HMCN2: variants seen among roughly 807,000 people sequenced by gnomAD.
HMCN2 encodes hemicentin 2, also known as hemicentin-2.
A neutral mutation model predicts 377.5 loss-of-function variants in HMCN2; 325 were observed. The observed-to-expected ratio is 0.86, with a 90% CI of 0.79 to 0.94. HMCN2 has a LOEUF of 0.94. Ranked by LOEUF, HMCN2 falls within the 40% of genes least tolerant of loss-of-function variation. The pLI is 0.00. For missense variants in HMCN2, 4,543 were observed against 4,725.3 expected (o/e 0.96, Z 1.13); for synonymous variants, 2,007 against 2,046.8 (o/e 0.98, Z 0.53).
At position 130,364,799 on chromosome 9, in the gene HMCN2, G is replaced by T. The variant is rs1303124693; in HGVS notation, c.6318G>T (p.Met2106Ile). The T allele has an allele frequency of 5.1e-6, 5 of 985,990 alleles. No individual in the cohort carries two copies. Among genetic ancestry groups the T allele is most frequent in the East Asian group, 1.1e-4 (1 of 8,810 alleles). The allele number at this position is 985,990 out of a possible 1,614,324, so 61.1% of individuals were successfully genotyped here. ...SVALECQSHA[M>I]PPPVLSWWKD... ...CCCTGGAGTGCCAGAGCCACGCCAT[G>T]CCCCCTCCTGTGCTGAGCTGGTGGA... The change falls in exon 41 of 98, where the codon ATG becomes ATT. Residue 2106 changes from methionine (M) to isoleucine (I), a missense_variant. By Grantham distance (10) the Met-to-Ile change is conservative. Around this residue, in one of 5 missense-constraint regions of HMCN2, gnomAD observed 1,032 missense variants for 1,285.1 expected, o/e 0.80. Transcript: ENST00000683500.
In HMCN2 at chr9:130,427,764, G is replaced by A; in HGVS notation, c.14065+145G>A. Reference sequence around the variant, plus strand: ...CTTGAGGGTTTTGATGTCAGCCTGGGGGTCCCAATGCTATGTCCCCACCAG... The same window carrying A: ...CTTGAGGGTTTTGATGTCAGCCTGGAGGTCCCAATGCTATGTCCCCACCAG... On this transcript the variant is annotated intron_variant, in intron 92 of 97. Coordinates refer to ENST00000683500, the MANE Select transcript of HMCN2 (RefSeq NM_001291815.2). 12 of 1,021,368 alleles carry A rather than the reference G, an allele frequency of 1.2e-5. 1 individual carries two copies. In the Admixed American group the frequency reaches 1.5e-4, roughly 12 times the overall value. 63.3% of individuals were successfully genotyped at this position (1,021,368 alleles called of 1,614,324 possible).
At chr9:130,296,596 C>A in intron 6 of HMCN2, 78 bp from the exon 7 acceptor site, 2 of 440,342 alleles carry the variant, frequency 4.5e-6, no homozygotes, top group Non-Finnish European at 9.5e-6. Context: ...AGGGCTGGGT[C>A]AGGTTGGTCA....
In HMCN2 at chr9:130,365,946, C is replaced by T; in HGVS notation, c.6576C>T (p.Ser2192=). 2.0e-6 allele frequency: 2 copies of T among 985,862 alleles called. No individual in the cohort carries two copies. The highest frequency in any genetic ancestry group is 3.5e-5 in the African/African-American group (2 of 57,364). The allele number at this position is 985,862 out of a possible 1,614,324, so 61.1% of individuals were successfully genotyped here. Residue 2192 remains serine, a synonymous_variant, in exon 43 of 98, where the codon TCC becomes TCT. Transcript: ENST00000683500. ...TVREGHPTRL[S]CECRGVPFPK... ...GAGAGGGGCACCCTACCAGGCTGTC[C>T]TGCGAATGCCGGGGTGTCCCCTTCC...
In HMCN2 at chr9:130,288,857, G is replaced by C. The variant is rs114407058; in HGVS notation, c.612+2547G>C. On this transcript the variant is annotated intron_variant, in intron 4 of 97. Coordinates refer to ENST00000683500, the MANE Select transcript of HMCN2 (RefSeq NM_001291815.2). The stretch of plus-strand genomic sequence containing the variant: ...TAAAGGAAGGTGAGGATCTCTCCCT[G>C]GTAGGGGAAATTTGGAGCTTTTATA... Among the ~76,000 whole-genome samples the C allele has an allele frequency of 6.6e-3, 998 of 152,298 alleles. 15 individuals carry two copies. Among genetic ancestry groups the C allele is most frequent in the African/African-American group, 0.022 (909 of 41,560 alleles).
chr9:130,339,301 G>A (rs958626915), intron 23 of HMCN2, among the ~76,000 whole-genome samples: 11 of 152,250 alleles, frequency 7.2e-5, no homozygotes, highest in African/African-American at 2.7e-4. Flanking sequence ...CGGCAGAGGT[G>A]AGAAGTGGAG....
At chr9:130,298,199 CT>C (rs1836272704) in intron 7 of HMCN2, among the ~76,000 whole-genome samples, 1 of 152,142 alleles carries the variant, frequency 6.6e-6, no homozygotes, top group African/African-American at 2.4e-5. Context: ...GGTGATCTGC[CT>C]GCCTCAGCCT....
At position 130,397,719 on chromosome 9, in the gene HMCN2, C is replaced by T; in HGVS notation, c.11326+64C>T. 4 of 1,263,044 alleles carry T rather than the reference C, an allele frequency of 3.2e-6. No homozygotes were observed. In the South Asian group the frequency reaches 5.1e-5, roughly 16 times the overall value. The allele number at this position is 1,263,044 out of a possible 1,614,324, so 78.2% of individuals were successfully genotyped here. ...GTCGGGGTCCAGTCCTTCTTAGTTT[C>T]TGAGTCACCCCAGCTGTAGGGGCCA... On this transcript the variant is annotated intron_variant, in intron 74 of 97. Coordinates refer to ENST00000683500, the MANE Select transcript of HMCN2 (RefSeq NM_001291815.2).
At chr9:130,364,618 C>T in intron 40 of HMCN2, 96 bp from the exon 41 acceptor site, 1 of 588,522 alleles carries the variant, frequency 1.7e-6, no homozygotes, top group South Asian at 7.4e-5. Flanking sequence ...TCACTCCTGG[C>T]TGCTGCGAGT....
At chr9:130,363,687 G>T (rs1483114477) in intron 40 of HMCN2, among the ~76,000 whole-genome samples, 2 of 151,960 alleles carry the variant, frequency 1.3e-5, no homozygotes, top group Non-Finnish European at 2.9e-5. Flanking sequence ...GCTGGGTATG[G>T]TGGTGCGTGC....
Position 130,427,500 on chromosome 9 carries a change from G to A in HMCN2, c.13946G>A (p.Arg4649Lys), listed in dbSNP as rs1844449147. The change falls in exon 92 of 98, where the codon AGG (arginine) becomes AAG (lysine). Residue 4649 changes from arginine to lysine, a missense_variant. By Grantham distance (26) the Arg-to-Lys change is conservative. Around this residue, in one of 5 missense-constraint regions of HMCN2, gnomAD observed 1,155 missense variants for 1,157.7 expected, o/e 1.00. Coordinates refer to ENST00000683500, the MANE Select transcript of HMCN2 (RefSeq NM_001291815.2). Reference protein sequence around the residue: ...LDSQGAFCVDRDECSGGPSPC... With the variant: ...LDSQGAFCVDKDECSGGPSPC... ...ACCAGACCCCTTCCTGCCCCAGACA[G>A]GGACGAGTGCTCAGGAGGCCCTAGC... 13 of 1,550,420 alleles carry A rather than the reference G, an allele frequency of 8.4e-6. No homozygotes were observed. Among genetic ancestry groups the A allele is most frequent in the Non-Finnish European group, 1.1e-5 (13 of 1,146,924 alleles).
intron 87 of HMCN2, 66 bp from the exon 88 acceptor site, chr9:130,424,710 C>G (rs1844224250): frequency 1.4e-6 from 2 of 1,437,962 alleles, no homozygotes; most frequent in African/African-American, 2.9e-5. Context: ...ATGACGGGAC[C>G]TTGAACAGGA....
chr9:130,354,787 G>A lies in HMCN2; in HGVS notation c.4889G>A (p.Gly1630Asp). The A allele has an allele frequency of 7.7e-7, 1 of 1,303,468 alleles. No individual in the cohort carries two copies. 80.7% of individuals were successfully genotyped at this position (1,303,468 alleles called of 1,614,324 possible). The change falls in exon 32 of 98, where the codon GGT becomes GAT. Residue 1630 changes from glycine (G) to aspartate (D), a missense_variant. Gly to Asp is a moderately conservative substitution (Grantham distance 94, BLOSUM62 -1). This residue lies in a region of HMCN2 where 1,032 missense variants were observed against 1,285.1 expected (regional missense o/e 0.80). Transcript: ENST00000683500. ...GTCCCACCTACCATCGAGGGCGCCG[G>A]TGGAAGACCATACGTGGTGAAGGCT... ...VYVPPTIEGA[G>D]GRPYVVKAVA...
At position 130,355,559 on chromosome 9, in the gene HMCN2, G is replaced by A. The variant is rs765514142; in HGVS notation, c.5147-187G>A. ...TAAATAATTAGGCCCAAGCCTTTGG[G>A]GAGCCCGGGGTGTCCCCTTACCCGC... On this transcript the variant is annotated intron_variant, in intron 32 of 97. Transcript: ENST00000683500. Among the ~76,000 whole-genome samples the A allele has an allele frequency of 2.6e-5, 4 of 152,180 alleles. No homozygotes were observed. In the South Asian group the frequency reaches 8.3e-4, roughly 31 times the overall value.
intron 43 of HMCN2, among the ~76,000 whole-genome samples, chr9:130,366,439 C>A (rs1840689922): frequency 7.0e-6 from 1 of 143,426 alleles, no homozygotes; most frequent in South Asian, 2.3e-4. Context: ...AAAAGATGCT[C>A]AAAAAACATT....
In HMCN2 at chr9:130,388,548, C is replaced by T. The variant is rs1285070429; in HGVS notation, c.9523+8C>T. On this transcript the variant is annotated splice_region_variant and intron_variant, in intron 62 of 97. Transcript: ENST00000683500. The stretch of plus-strand genomic sequence containing the variant: ...AGGACAGGATGCCTGTGGGTGAGCA[C>T]ATCTGTCCTTGTCTGTTTCGCGTAA... The T allele has an allele frequency of 4.6e-5, 45 of 988,114 alleles. No individual in the cohort carries two copies. The highest frequency in any genetic ancestry group is 5.2e-5 in the Non-Finnish European group (43 of 830,136). The allele number at this position is 988,114 out of a possible 1,614,324, so 61.2% of individuals were successfully genotyped here. A position where few individuals can be genotyped will look rare whatever the true frequency, so the allele number is the denominator to read the frequency against.
intron 52 of HMCN2, among the ~76,000 whole-genome samples, chr9:130,377,359 A>C (rs2131619637): frequency 6.6e-6 from 1 of 151,826 alleles, no homozygotes; most frequent in East Asian, 1.9e-4. Flanking sequence ...GTGATCCACC[A>C]ACCTTGGCCT....
intron 24 of HMCN2, among the ~76,000 whole-genome samples, chr9:130,341,631 GT>G (rs1268930615): frequency 2.0e-5 from 3 of 152,188 alleles, no homozygotes; most frequent in African/African-American, 4.8e-5. Flanking sequence ...TTACCCTTGG[GT>G]GGTGACCTGT....
At chr9:130,413,766 C>T (rs915697014) in intron 85 of HMCN2, among the ~76,000 whole-genome samples, 2 of 151,998 alleles carry the variant, frequency 1.3e-5, no homozygotes, top group Non-Finnish European at 2.9e-5. Flanking sequence ...CACACACACA[C>T]GGGGGCATGT....
chr9:130,288,493 C>T (rs1407492267), intron 4 of HMCN2, among the ~76,000 whole-genome samples: 5 of 152,226 alleles, frequency 3.3e-5, no homozygotes, highest in East Asian at 1.9e-4. Context: ...GCCAGGGCTG[C>T]GGTCACCCTC....
Sources: allele counts gnomAD v4.1 joint callset (sites outside exome capture counted in the v4.1 genomes callset), GRCh38; gene constraint gnomAD v4.1.1; regional missense constraint gnomAD v4.1.1; transcripts MANE v1.5; gene names NCBI Gene and HGNC (gene_info 2026-07-23, HGNC 2026-07-21).